The following UNKL variants were observed in gnomAD, a reference collection of about 807,000 sequenced individuals.
UNKL encodes the protein putative E3 ubiquitin-protein ligase UNKL.
In UNKL, 60 loss-of-function variants were observed where a neutral mutation model predicts 78.0. That is an observed-to-expected ratio of 0.77 (90% CI 0.63 to 0.95). The LOEUF is 0.95. Among genes scored for constraint, UNKL ranks in the 40% least tolerant of loss-of-function variants. The probability of loss-of-function intolerance (pLI) is 0.00; values close to 1 mark genes in which losing one functional copy is unlikely to be tolerated. For missense variants in UNKL, 1,159 were observed against 1,045.7 expected (o/e 1.11, Z -1.49); for synonymous variants, 608 against 474.8 (o/e 1.28, Z -3.65).
chr16:1,396,941 T>G, intron 6 of UNKL: 1 of 542,772 alleles, frequency 1.8e-6, no homozygotes. Flanking sequence ...ACATGACTCT[T>G]TCTTCTGTTA....
At position 1,399,071 on chromosome 16, in the gene UNKL, G is replaced by A; in HGVS notation, c.734+303C>T. The A allele has an allele frequency of 7.4e-7, 1 of 1,350,300 alleles. No individual in the cohort carries two copies. Among genetic ancestry groups the A allele is most frequent in the Non-Finnish European group, 9.8e-7 (1 of 1,021,882 alleles). 83.6% of individuals were successfully genotyped at this position (1,350,300 alleles called of 1,614,324 possible). On this transcript the variant is annotated intron_variant, in intron 5 of 14. Coordinates refer to ENST00000389221, the MANE Select transcript of UNKL (RefSeq NM_001372107.1). The surrounding 1 kb of genome is among the most constrained non-coding windows in gnomAD (Gnocchi z 5.8). ...CAGAGGCACGGGTGGGGCACACGGGGGTCCCAGCTGGGCTTGGGGTCCCTC... is the reference window on the plus strand; with the variant it reads ...CAGAGGCACGGGTGGGGCACACGGGAGTCCCAGCTGGGCTTGGGGTCCCTC...
At chr16:1,398,679 G>GCC in intron 5 of UNKL, 1 of 1,356,380 alleles carries the variant, frequency 7.4e-7, no homozygotes, top group Non-Finnish European at 9.5e-7. Flanking sequence ...TGTGGGGTCT[G>GCC]CACCCCCCCA....
At chr16:1,411,034 G>A (rs918747138) in intron 2 of UNKL, among the ~76,000 whole-genome samples, 2 of 152,004 alleles carry the variant, frequency 1.3e-5, no homozygotes, top group Admixed American at 6.6e-5. Flanking sequence ...GTAACACAGC[G>A]AGACTCCATC....
intron 10 of UNKL, 30 bp downstream of exon 10, chr16:1,385,178 A>G (rs2036760665): frequency 4.8e-6 from 6 of 1,240,192 alleles, no homozygotes; most frequent in Non-Finnish European, 6.1e-6. Flanking sequence ...GAAGGAGGTC[A>G]GGGAGAAAGG....
At chr16:1,400,726 C>T (rs1008820321) in intron 4 of UNKL, among the ~76,000 whole-genome samples, 2 of 151,908 alleles carry the variant, frequency 1.3e-5, no homozygotes, top group East Asian at 3.9e-4. Context: ...CTCACTCTGT[C>T]ACCCACACTG....
intron 6 of UNKL, chr16:1,396,921 CT>C: frequency 5.9e-6 from 3 of 507,970 alleles, no homozygotes; most frequent in Non-Finnish European, 1.1e-5. Flanking sequence ...TTTCTCTCTG[CT>C]TTTTTCCCAC....
At chr16:1,402,946 C>T (rs974476035) in intron 3 of UNKL, among the ~76,000 whole-genome samples, 1 of 152,088 alleles carries the variant, frequency 6.6e-6, no homozygotes, top group Non-Finnish European at 1.5e-5. Flanking sequence ...GAGCTGAGAT[C>T]GCGCCGCTGC....
At chr16:1,408,196 A>G (rs901386471) in intron 2 of UNKL, among the ~76,000 whole-genome samples, 5 of 152,174 alleles carry the variant, frequency 3.3e-5, no homozygotes, top group Non-Finnish European at 4.4e-5. Context: ...GTTTAAAGAG[A>G]AAAGCAAGCG....
At chr16:1,376,525 G>A (rs1245524976) in intron 10 of UNKL, among the ~76,000 whole-genome samples, 3 of 152,148 alleles carry the variant, frequency 2.0e-5, no homozygotes, top group Admixed American at 6.5e-5. Flanking sequence ...GCTGGCAGCT[G>A]CGTGGCTCCA....
chr16:1,385,126 G>C, intron 10 of UNKL, 82 bp downstream of exon 10: 1 of 1,081,376 alleles, frequency 9.2e-7, no homozygotes, highest in Non-Finnish European at 1.2e-6. Context: ...AACATGTCCT[G>C]AAATAGAAGC....
Position 1,399,649 on chromosome 16 carries a change from G to C in UNKL, c.599-140C>G. The C allele has an allele frequency of 7.9e-7, 1 of 1,263,498 alleles. No individual in the cohort carries two copies. The highest frequency in any genetic ancestry group is 1.1e-6 in the Non-Finnish European group (1 of 916,178). 78.3% of individuals were successfully genotyped at this position (1,263,498 alleles called of 1,614,324 possible). A position where few individuals can be genotyped will look rare whatever the true frequency, so the allele number is the denominator to read the frequency against. On this transcript the variant is annotated intron_variant, in intron 4 of 14. Coordinates refer to ENST00000389221, the MANE Select transcript of UNKL (RefSeq NM_001372107.1). This position sits in a 1 kb window ranked among gnomAD's most constrained non-coding sequence, Gnocchi z 5.8. ...CTTGGGGAGCGCAGACACACGCCAC[G>C]GCACACGCTGATGTCAAAGGACTCG...
At chr16:1,397,022 C>T in intron 6 of UNKL, 156 bp downstream of exon 6, 3 of 730,016 alleles carry the variant, frequency 4.1e-6, no homozygotes, top group Non-Finnish European at 6.8e-6. Context: ...CAAGCAGGTA[C>T]AGCCCTCATG....
chr16:1,413,773 G>C, intron 2 of UNKL, 73 bp downstream of exon 2: 1 of 1,437,456 alleles, frequency 7.0e-7, no homozygotes, highest in Non-Finnish European at 9.2e-7. Flanking sequence ...GTCCGCTGAG[G>C]GTCCCGGCCG....
chr16:1,398,786 GC>G, intron 5 of UNKL: 14 of 1,539,960 alleles, frequency 9.1e-6, no homozygotes, highest in Non-Finnish European at 1.1e-5. Flanking sequence ...GGCTTCAGAG[GC>G]AAGCAGGCTG....
chr16:1,397,445 C>G (rs1332431191), intron 5 of UNKL, 150 bp from the exon 6 acceptor site: 3 of 880,050 alleles, frequency 3.4e-6, no homozygotes, highest in Non-Finnish European at 4.5e-6. Context: ...CACCCCCGTG[C>G]TTCACGCTGG....
Position 1,399,035 on chromosome 16 carries a change from G to A in UNKL, c.734+339C>T, listed in dbSNP as rs1596743934. ...GCATGCAGCCCACAGGCTGGAGAGC[G>A]TGGCTGCAACCAGAGGCACGGGTGG... is the stretch of plus-strand genomic sequence containing the variant. On this transcript the variant is annotated intron_variant, in intron 5 of 14. Transcript: ENST00000389221. The surrounding 1 kb of genome is among the most constrained non-coding windows in gnomAD (Gnocchi z 5.8). 4.2e-6 allele frequency: 6 copies of A among 1,436,092 alleles called. No homozygotes were observed. The highest frequency in any genetic ancestry group is 2.4e-4 in the Middle Eastern group (1 of 4,140). The allele number at this position is 1,436,092 out of a possible 1,614,324, so 89.0% of individuals were successfully genotyped here.
chr16:1,406,278 T>C (rs2037759470), intron 2 of UNKL, among the ~76,000 whole-genome samples: 1 of 151,104 alleles, frequency 6.6e-6, no homozygotes, highest in Non-Finnish European at 1.5e-5. Flanking sequence ...AGTGGCACAA[T>C]CTCAGCTCAC....
At chr16:1,408,193 G>A (rs940011857) in intron 2 of UNKL, among the ~76,000 whole-genome samples, 3 of 152,286 alleles carry the variant, frequency 2.0e-5, no homozygotes, top group South Asian at 2.1e-4. Flanking sequence ...TCTGTTTAAA[G>A]AGAAAAGCAA....
chr16:1,396,680 G>A (rs981117885), intron 6 of UNKL, among the ~76,000 whole-genome samples: 31 of 152,140 alleles, frequency 2.0e-4, no homozygotes, highest in South Asian at 2.1e-4. Context: ...TGCAAGCTCC[G>A]CCTCCTGGGT....
Sources: allele counts gnomAD v4.1 joint callset (sites outside exome capture counted in the v4.1 genomes callset), GRCh38; gene constraint gnomAD v4.1.1; non-coding constraint Gnocchi (gnomAD v3.1); transcripts MANE v1.5; gene names NCBI Gene and HGNC (gene_info 2026-07-23, HGNC 2026-07-21).